Variants in NRG1 observed in about 807,000 individuals in gnomAD.
NRG1 encodes neuregulin 1.
Under a neutral mutation model 63.8 loss-of-function variants are expected in NRG1, and 18 were observed. That is an observed-to-expected ratio of 0.28 (90% CI 0.19 to 0.42). The LOEUF is 0.42. Among genes scored for constraint, NRG1 ranks in the 10% least tolerant of loss-of-function variants. The pLI, the probability that NRG1 is intolerant of heterozygous loss-of-function variation, is 1.00. For missense variants in NRG1, 762 were observed against 814.7 expected, an observed-to-expected ratio of 0.94 and a Z score of 0.79; for synonymous variants, 302 against 301.3, an observed-to-expected ratio of 1.00 and a Z score of -0.02.
chr8:31,702,266 A>C (rs1218417051), intron 1 of NRG1, among the ~76,000 whole-genome samples: 1 of 152,160 alleles, frequency 6.6e-6, no homozygotes, highest in Non-Finnish European at 1.5e-5. Flanking sequence ...TTTGACATCT[A>C]TTATGATAAC....
chr8:32,712,178 G>A (rs2128984874), intron 5 of NRG1, among the ~76,000 whole-genome samples: 1 of 152,256 alleles, frequency 6.6e-6, no homozygotes, highest in Non-Finnish European at 1.5e-5. Flanking sequence ...AATCTAGACA[G>A]CCTCTCCGAT....
chr8:32,525,949 C>A (rs1362230716), intron 1 of NRG1, among the ~76,000 whole-genome samples: 1 of 152,112 alleles, frequency 6.6e-6, no homozygotes, highest in Admixed American at 6.5e-5. Context: ...CTTTTCTTTT[C>A]TTGTGTGTCG....
chr8:32,177,633 A>T (rs1840941168), intron 1 of NRG1, among the ~76,000 whole-genome samples: 1 of 151,914 alleles, frequency 6.6e-6, no homozygotes, highest in South Asian at 2.1e-4. Context: ...TATGAGTGAG[A>T]ACATGCGGTA....
chr8:32,403,382 C>G (rs1813503267), intron 1 of NRG1, among the ~76,000 whole-genome samples: 2 of 151,920 alleles, frequency 1.3e-5, no homozygotes, highest in Admixed American at 6.6e-5. Flanking sequence ...TGATAGCCTT[C>G]CTGTTATTTC....
At chr8:32,484,064 CT>C (rs1251878401) in intron 1 of NRG1, among the ~76,000 whole-genome samples, 3 of 150,384 alleles carry the variant, frequency 2.0e-5, no homozygotes, top group Non-Finnish European at 2.9e-5. Flanking sequence ...GATCGCACCA[CT>C]GCACTCCAGC....
At chr8:31,665,535 A>T (rs536673898) in intron 1 of NRG1, among the ~76,000 whole-genome samples, 1 of 152,346 alleles carries the variant, frequency 6.6e-6, no homozygotes, top group East Asian at 1.9e-4. Context: ...ACTATGTTTT[A>T]GAGAGAAGAG....
chr8:31,845,809 T>G (rs1250409256), intron 1 of NRG1, among the ~76,000 whole-genome samples: 2 of 152,242 alleles, frequency 1.3e-5, no homozygotes, highest in Admixed American at 1.3e-4. Context: ...CCTTTTTATT[T>G]CTTGATTTTA....
intron 1 of NRG1, among the ~76,000 whole-genome samples, chr8:32,174,646 G>A (rs916106956): frequency 5.3e-5 from 8 of 151,998 alleles, no homozygotes; most frequent in Admixed American, 1.3e-4. Flanking sequence ...ATGATAAAGG[G>A]TATATCACCA....
intron 1 of NRG1, among the ~76,000 whole-genome samples, chr8:31,951,557 A>G (rs980269060): frequency 3.9e-5 from 6 of 152,366 alleles, no homozygotes; most frequent in African/African-American, 1.4e-4. Flanking sequence ...TTCCCAGTCC[A>G]TCTAAAAATA....
At chr8:32,651,417 C>A (rs544300387) in intron 5 of NRG1, among the ~76,000 whole-genome samples, 2 of 152,024 alleles carry the variant, frequency 1.3e-5, no homozygotes, top group Non-Finnish European at 2.9e-5. Flanking sequence ...ATAATACTTG[C>A]ACTATTCATT....
intron 1 of NRG1, among the ~76,000 whole-genome samples, chr8:32,051,590 C>T (rs369107781): frequency 3.1e-4 from 47 of 152,262 alleles, no homozygotes; most frequent in African/African-American, 1.0e-3. Flanking sequence ...CAAATAATTA[C>T]ATCTGAGCAG....
intron 1 of NRG1, among the ~76,000 whole-genome samples, chr8:32,050,374 C>T (rs1232991918): frequency 6.6e-6 from 1 of 152,080 alleles, no homozygotes; most frequent in East Asian, 1.9e-4. Context: ...TTCCACTGAA[C>T]GTGGTGTTCT....
intron 1 of NRG1, among the ~76,000 whole-genome samples, chr8:32,446,037 ATGGAC>A (rs1384231598): frequency 1.3e-5 from 2 of 152,176 alleles, no homozygotes; most frequent in Non-Finnish European, 2.9e-5. Context: ...TCTCAAATAA[ATGGAC>A]TAATTTGTTA....
intron 5 of NRG1, among the ~76,000 whole-genome samples, chr8:32,622,241 TCACTACTA>T (rs144441753): frequency 0.026 from 3,944 of 152,254 alleles, 146 homozygotes; most frequent in African/African-American, 0.089. Context: ...AGTCATGATC[TCACTACTA>T]CACTCCAGCC....
At chr8:32,422,004 G>C (rs1001373549) in intron 1 of NRG1, among the ~76,000 whole-genome samples, 1 of 146,356 alleles carries the variant, frequency 6.8e-6, no homozygotes, top group Non-Finnish European at 1.5e-5. Context: ...TGAGTGAGCA[G>C]GGTTGAGGGA....
chr8:31,868,146 T>TCACACACA (rs755924161), intron 1 of NRG1, among the ~76,000 whole-genome samples: 4 of 115,804 alleles, frequency 3.5e-5, no homozygotes, highest in African/African-American at 1.2e-4. Flanking sequence ...CACATACATC[T>TCACACACA]TACACACACA....
chr8:32,179,330 C>T (rs1841179593), intron 1 of NRG1, among the ~76,000 whole-genome samples: 1 of 152,000 alleles, frequency 6.6e-6, no homozygotes, highest in African/African-American at 2.4e-5. Flanking sequence ...GACAACAACA[C>T]ATCCACTGTG....
At chr8:31,787,110 G>A (rs184642687) in intron 1 of NRG1, among the ~76,000 whole-genome samples, 4 of 152,310 alleles carry the variant, frequency 2.6e-5, no homozygotes, top group Non-Finnish European at 5.9e-5. Context: ...CTGATTTTCA[G>A]TGTGGTACCC....
At chr8:32,228,789 T>C (rs1846600682) in intron 1 of NRG1, among the ~76,000 whole-genome samples, 1 of 152,212 alleles carries the variant, frequency 6.6e-6, no homozygotes, top group African/African-American at 2.4e-5. Flanking sequence ...TCTGTGCATA[T>C]GTCATATCTT....
Sources: gnomAD v4.1 joint callset for allele counts (sites outside exome capture counted in the v4.1 genomes callset) on GRCh38, gnomAD v4.1.1 for gene constraint, MANE v1.5 for transcripts, NCBI Gene and HGNC (gene_info 2026-07-23, HGNC 2026-07-21) for gene names.